The following OTULINL variants were observed in gnomAD, a reference collection of about 807,000 sequenced individuals.
The protein encoded by OTULINL is OTU deubiquitinase with linear linkage specificity like, also known as inactive ubiquitin thioesterase OTULINL.
In OTULINL, 42 loss-of-function variants were observed where a neutral mutation model predicts 43.9. That is an observed-to-expected ratio of 0.96 (90% CI 0.75 to 1.24). The LOEUF (loss-of-function observed/expected upper bound fraction) is 1.24, where lower values mean the gene tolerates loss of function less well. Among genes scored for constraint, OTULINL ranks in the 50% most tolerant of loss-of-function variants. The pLI, the probability that OTULINL is intolerant of heterozygous loss-of-function variation, is 0.00. For synonymous variants in OTULINL, 172 were observed against 153.6 expected (o/e 1.12, Z -0.88); for missense variants, 411 against 426.4 (o/e 0.96, Z 0.32).
In OTULINL at chr5:14,598,784, A is replaced by G. The variant is rs150167653; in HGVS notation, c.65-2181A>G. Among the ~76,000 whole-genome samples, 732 of 152,326 alleles carry G rather than the reference A, an allele frequency of 4.8e-3. 2 individuals carry two copies. The highest frequency in any genetic ancestry group is 7.7e-3 in the Admixed American group (118 of 15,308). On this transcript the variant is annotated intron_variant, in intron 1 of 7. Coordinates refer to ENST00000274217, the MANE Select transcript of OTULINL (RefSeq NM_019018.3). ...ATATTATGCATCATTAAAAAGAATA[A>G]TGTAGATTTATGTGTGCTGATATGA...
At chr5:14,602,874 A>G (rs1243546873) in intron 5 of OTULINL, among the ~76,000 whole-genome samples, 1 of 152,150 alleles carries the variant, frequency 6.6e-6, no homozygotes, top group Non-Finnish European at 1.5e-5. Flanking sequence ...GTTCTTTTAT[A>G]AGTAAGGTGA....
intron 1 of OTULINL, among the ~76,000 whole-genome samples, chr5:14,587,017 T>C (rs1418822065): frequency 6.6e-6 from 1 of 152,184 alleles, no homozygotes; most frequent in Non-Finnish European, 1.5e-5. Flanking sequence ...GCAGTGGAGC[T>C]GATGATGGTG....
Position 14,592,461 on chromosome 5 carries a change from G to A in OTULINL, c.65-8504G>A, listed in dbSNP as rs187005032. 3.8e-4 allele frequency among the ~76,000 whole-genome samples: 58 copies of A among 152,280 alleles called. No individual in the cohort carries two copies. The East Asian group carries it at 8.7e-3, about 23-fold the overall frequency. ...AAGTTCAGACTTCTACTTCTTTTCT[G>A]TGCTTCAGTTTCTTCACCTCAAAAA... On this transcript the variant is annotated intron_variant, in intron 1 of 7. Coordinates refer to ENST00000274217, the MANE Select transcript of OTULINL (RefSeq NM_019018.3).
chr5:14,602,927 T>G (rs1250699446), intron 5 of OTULINL, among the ~76,000 whole-genome samples: 2 of 152,208 alleles, frequency 1.3e-5, no homozygotes, highest in Non-Finnish European at 2.9e-5. Context: ...AATGAGAGTT[T>G]TAATAAATGC....
chr5:14,591,207 C>A (rs1399808104), intron 1 of OTULINL, among the ~76,000 whole-genome samples: 1 of 152,206 alleles, frequency 6.6e-6, no homozygotes, highest in African/African-American at 2.4e-5. Flanking sequence ...ATGTCAGGTC[C>A]TGCCTGGGTC....
Position 14,581,814 on chromosome 5 carries a change from C to G in OTULINL, c.-81C>G. 4 of 1,157,054 alleles carry G rather than the reference C, an allele frequency of 3.5e-6. No homozygotes were observed. The highest frequency in any genetic ancestry group is 4.4e-6 in the Non-Finnish European group (4 of 906,754). 71.7% of individuals were successfully genotyped at this position (1,157,054 alleles called of 1,614,324 possible). A position where few individuals can be genotyped will look rare whatever the true frequency, so the allele number is the denominator to read the frequency against. On this transcript the variant is annotated 5_prime_UTR_variant, in exon 1 of 8. Coordinates refer to ENST00000274217, the MANE Select transcript of OTULINL (RefSeq NM_019018.3). ...CCCGCCTCAGGGAAGCGAGCCCGGGCGCCGGCGGGCGGCCGTCGCGTCTGA... is the reference window on the plus strand; with the variant it reads ...CCCGCCTCAGGGAAGCGAGCCCGGGGGCCGGCGGGCGGCCGTCGCGTCTGA...
chr5:14,597,602 C>CT (rs1759309527), intron 1 of OTULINL, among the ~76,000 whole-genome samples: 1 of 152,216 alleles, frequency 6.6e-6, no homozygotes, highest in Admixed American at 6.5e-5. Flanking sequence ...AAGTCATACT[C>CT]TTTCCTACTA....
chr5:14,607,185 A>G (rs760368198), intron 5 of OTULINL, 145 bp from the exon 6 acceptor site: 18 of 820,272 alleles, frequency 2.2e-5, no homozygotes, highest in Non-Finnish European at 3.3e-5. Flanking sequence ...AGCCGAGATC[A>G]CGCCACTGCA....
intron 1 of OTULINL, among the ~76,000 whole-genome samples, chr5:14,600,471 G>A (rs1759365536): frequency 6.6e-6 from 1 of 152,210 alleles, no homozygotes; most frequent in Admixed American, 6.5e-5. Context: ...TTTGGGTCTG[G>A]ATTGAATCCC....
intron 4 of OTULINL, 29 bp from the exon 5 acceptor site, chr5:14,602,154 T>A: frequency 6.5e-7 from 1 of 1,529,636 alleles, no homozygotes; most frequent in Non-Finnish European, 8.8e-7. Flanking sequence ...GTGGAATTAA[T>A]AAACAACTTT....
In OTULINL at chr5:14,610,141, A is replaced by G. The variant is rs775595526; in HGVS notation, c.898A>G (p.Ile300Val). The G allele has an allele frequency of 3.1e-6, 5 of 1,612,332 alleles. No individual in the cohort carries two copies. Among genetic ancestry groups the G allele is most frequent in the African/African-American group, 1.3e-5 (1 of 75,014 alleles). Residue 300 changes from isoleucine (I) to valine (V), a missense_variant and splice_region_variant, in exon 8 of 8, where the codon ATT becomes GTT. Transcript: ENST00000274217. ...SVGDTCGLEQ[I>V]DMFILGYSLE... ...GACCTGTCTTTCATCTCATCCACAGATTGATATGTTTATACTTGGATACTC... is the reference window on the plus strand; with the variant it reads ...GACCTGTCTTTCATCTCATCCACAGGTTGATATGTTTATACTTGGATACTC...
chr5:14,610,718 C>G lies in OTULINL; in HGVS notation c.*404C>G, dbSNP rs977710785. ...TCTTCATTAAAAATCTTATCTTGGA[C>G]TGATTTGAGGGATTTTTAGAAACAT... On this transcript the variant is annotated 3_prime_UTR_variant, in exon 8 of 8. Transcript: ENST00000274217. 1 of 157,586 alleles carries G rather than the reference C, an allele frequency of 6.3e-6. No homozygotes were observed. The highest frequency in any genetic ancestry group is 2.4e-5 in the African/African-American group (1 of 41,542). The allele number at this position is 157,586 out of a possible 1,614,324, so 9.8% of individuals were successfully genotyped here. A position where few individuals can be genotyped will look rare whatever the true frequency, so the allele number is the denominator to read the frequency against.
intron 7 of OTULINL, 139 bp from the exon 8 acceptor site, chr5:14,610,002 G>GC: frequency 1.6e-6 from 1 of 632,666 alleles, no homozygotes; most frequent in Non-Finnish European, 2.8e-6. Flanking sequence ...TGAACTCTGT[G>GC]CCCACTCAGT....
At chr5:14,585,803 A>G (rs1026249918) in intron 1 of OTULINL, among the ~76,000 whole-genome samples, 17 of 152,390 alleles carry the variant, frequency 1.1e-4, no homozygotes, top group Admixed American at 4.6e-4. Flanking sequence ...GACTCCACTC[A>G]TAACAGATTC....
intron 1 of OTULINL, among the ~76,000 whole-genome samples, chr5:14,583,585 A>G (rs1439600700): frequency 6.6e-6 from 1 of 152,190 alleles, no homozygotes; most frequent in Non-Finnish European, 1.5e-5. Flanking sequence ...AATGCATGCC[A>G]GCGCTGCGAG....
chr5:14,594,162 AT>A (rs1285444292), intron 1 of OTULINL, among the ~76,000 whole-genome samples: 4 of 152,114 alleles, frequency 2.6e-5, no homozygotes, highest in African/African-American at 9.7e-5. Context: ...CTAATCTATG[AT>A]TTTGCAAGAA....
At chr5:14,605,071 T>C (rs957582633) in intron 5 of OTULINL, among the ~76,000 whole-genome samples, 3 of 152,164 alleles carry the variant, frequency 2.0e-5, no homozygotes, top group African/African-American at 7.2e-5. Context: ...TAGCAGAGGT[T>C]CTCCATGAGT....
intron 7 of OTULINL, among the ~76,000 whole-genome samples, chr5:14,609,902 G>C (rs1223752591): frequency 1.3e-5 from 2 of 152,208 alleles, no homozygotes; most frequent in Non-Finnish European, 2.9e-5. Context: ...ACAGGCGTGA[G>C]CCACCGCGCC....
In OTULINL at chr5:14,614,714, A is replaced by C. The variant is rs1313793093; in HGVS notation, c.*4400A>C. 7.5e-6 allele frequency: 3 copies of C among 398,582 alleles called. No individual in the cohort carries two copies. In the East Asian group the frequency reaches 1.1e-4, roughly 14 times the overall value. 24.7% of individuals were successfully genotyped at this position (398,582 alleles called of 1,614,324 possible). ...TCATGGAATGTGTTGGAGGAGACTC[A>C]AGCTCCATGTGGGAACAGTGTGGCC... On this transcript the variant is annotated 3_prime_UTR_variant, in exon 8 of 8. Transcript: ENST00000274217.
Sources: gnomAD v4.1 joint callset for allele counts (sites outside exome capture counted in the v4.1 genomes callset) on GRCh38, gnomAD v4.1.1 for gene constraint, MANE v1.5 for transcripts, NCBI Gene and HGNC (gene_info 2026-07-23, HGNC 2026-07-21) for gene names.